NCL: variants seen among roughly 807,000 people sequenced by gnomAD.
NCL encodes nucleolin multifunctional protein.
NCL carries 4 observed loss-of-function variants against 77.7 expected under a neutral mutation model. The observed-to-expected ratio is 0.05, with a 90% confidence interval of 0.03 to 0.12. NCL has a LOEUF of 0.12. Among genes scored for constraint, NCL ranks in the 10% least tolerant of loss-of-function variants. NCL has a pLI of 1.00. For synonymous variants in NCL, 344 were observed against 297.8 expected (o/e 1.16, Z -1.60); for missense variants, 763 against 860.9 (o/e 0.89, Z 1.42).
intron 10 of NCL, 107 bp downstream of exon 10, chr2:231,456,894 T>G: frequency 6.4e-7 from 1 of 1,554,460 alleles, no homozygotes. Context: ...CTCATTTACG[T>G]AGCTAAAATT....
At chr2:231,456,272 G>A in intron 11 of NCL, 136 bp from the exon 12 acceptor site, 1 of 1,114,000 alleles carries the variant, frequency 9.0e-7, no homozygotes, top group Non-Finnish European at 1.3e-6. Context: ...AAGCCAACTA[G>A]TCCTTAATTA....
chr2:231,463,454 G>A, intron 1 of NCL, 138 bp from the exon 2 acceptor site: 1 of 720,612 alleles, frequency 1.4e-6, no homozygotes, highest in South Asian at 1.6e-5. Context: ...AACTAACATA[G>A]AAACTACTCC....
chr2:231,454,846 C>CAAA lies in NCL; in HGVS notation c.*342_*344dup, dbSNP rs201409564. On this transcript the variant is annotated 3_prime_UTR_variant, in exon 14 of 14. Coordinates refer to ENST00000322723, the MANE Select transcript of NCL (RefSeq NM_005381.3). The stretch of plus-strand genomic sequence containing the variant: ...CTTTTCTTTTACAACCCCACGAACG[C>CAAA]AAAAAAAAAAAAAACAAAAACAAAA... 105 of 97,040 alleles carry CAAA rather than the reference C, an allele frequency of 1.1e-3. 1 individual carries two copies. Among genetic ancestry groups the CAAA allele is most frequent in the Non-Finnish European group, 1.7e-3 (74 of 44,576 alleles). 6.0% of individuals were successfully genotyped at this position (97,040 alleles called of 1,614,324 possible).
intron 1 of NCL, chr2:231,464,129 G>C: frequency 7.3e-7 from 1 of 1,370,626 alleles, no homozygotes; most frequent in Non-Finnish European, 9.5e-7. Flanking sequence ...CGCCGCGTTC[G>C]CCGCCCCCAG....
At position 231,459,122 on chromosome 2, in the gene NCL, T is replaced by C. The variant is rs776536240; in HGVS notation, c.1044A>G (p.Lys348=). ...CAGATTCAAAATCCACATAACCAAA[T>C]TTCCTTCAAGGTGGAGAGGAGGGCA... ...VVDVRIGMTR[K]FGYVDFESAE... Residue 348 remains lysine (K), a synonymous_variant, in exon 7 of 14, where the codon AAA becomes AAG. Coordinates refer to ENST00000322723, the MANE Select transcript of NCL (RefSeq NM_005381.3). The C allele has an allele frequency of 6.4e-7, 1 of 1,571,746 alleles. No individual in the cohort carries two copies. Among genetic ancestry groups the C allele is most frequent in the Admixed American group, 2.0e-5 (1 of 48,856 alleles).
In NCL at chr2:231,456,643, T is replaced by A. The variant is rs2046891492; in HGVS notation, c.1693A>T (p.Asn565Tyr). ...LELQGPRGSPNARSQPSKTLF... is the reference protein window; with the variant it reads ...LELQGPRGSPYARSQPSKTLF... Reference sequence around the variant, plus strand: ...CAGGTGAACTTACGGCTTCTGGCATTAGGTGATCCCCTGGGTCCTTGCAAC... The same window carrying A: ...CAGGTGAACTTACGGCTTCTGGCATAAGGTGATCCCCTGGGTCCTTGCAAC... The change falls in exon 11 of 14, where the codon AAT becomes TAT. Residue 565 changes from asparagine to tyrosine, a missense_variant. Asn to Tyr is a moderately radical substitution (Grantham distance 143). Around this residue, in one of 2 missense-constraint regions of NCL, gnomAD observed 173 missense variants for 290.4 expected, o/e 0.60. Coordinates refer to ENST00000322723, the MANE Select transcript of NCL (RefSeq NM_005381.3). 1 of 1,614,004 alleles carries A rather than the reference T, an allele frequency of 6.2e-7. No homozygotes were observed. Among genetic ancestry groups the A allele is most frequent in the African/African-American group, 1.3e-5 (1 of 74,908 alleles).
chr2:231,463,144 T>G, intron 2 of NCL, 56 bp downstream of exon 2: 1 of 1,308,080 alleles, frequency 7.6e-7, no homozygotes, highest in South Asian at 1.3e-5. Flanking sequence ...ATTTCATGTC[T>G]TAACTCTCCA....
Position 231,453,549 on chromosome 2 carries a change from G to A in NCL, c.*1642C>T, listed in dbSNP as rs1427688015. 1 of 158,404 alleles carries A rather than the reference G, an allele frequency of 6.3e-6. No individual in the cohort carries two copies. Among genetic ancestry groups the A allele is most frequent in the African/African-American group, 2.4e-5 (1 of 41,708 alleles). 9.8% of individuals were successfully genotyped at this position (158,404 alleles called of 1,614,324 possible). A position where few individuals can be genotyped will look rare whatever the true frequency, so the allele number is the denominator to read the frequency against. On this transcript the variant is annotated 3_prime_UTR_variant, in exon 14 of 14. Transcript: ENST00000322723. ...CGCCTGATGGGCTTCAATTAACTGA[G>A]CTTTTAATTCCTTATCCAGAATACA...
chr2:231,456,395 G>T, intron 11 of NCL: 1 of 934,844 alleles, frequency 1.1e-6, no homozygotes, highest in Non-Finnish European at 1.7e-6. Flanking sequence ...GGGGCCCAGT[G>T]GATGGGGCAG....
chr2:231,455,513 C>T lies in NCL; in HGVS notation c.1944G>A (p.Lys648=), dbSNP rs751530985. The T allele has an allele frequency of 1.1e-5, 18 of 1,614,108 alleles. No homozygotes were observed. The South Asian group carries it at 2.0e-4, about 18-fold the overall frequency. Residue 648 remains lysine (K), a synonymous_variant, in exon 13 of 14, where the codon AAG becomes AAA. Transcript: ENST00000322723. ...CACGACCCCCGAAGCCACCTTCACC[C>T]TTAGGTTTGGCCCAGTCCAAGGTAA... ...NKVTLDWAKP[K]GEGGFGGRGG... is the part of the protein sequence containing the mutation.
chr2:231,458,242 TA>T, intron 8 of NCL, 23 bp downstream of exon 8: 1 of 1,595,890 alleles, frequency 6.3e-7, no homozygotes, highest in East Asian at 2.2e-5. Context: ...ATAAAACCCT[TA>T]CATTTCAATA....
In NCL at chr2:231,459,357, T is replaced by C. The variant is rs906729307; in HGVS notation, c.1041-232A>G. ...TGAGGTCTTCATCATGGAGCTAAAT[T>C]GCTTATAAGAATTCACAGTAGCAGC... On this transcript the variant is annotated intron_variant, in intron 6 of 13. Coordinates refer to ENST00000322723, the MANE Select transcript of NCL (RefSeq NM_005381.3). Among the ~76,000 whole-genome samples the C allele has an allele frequency of 1.3e-5, 2 of 152,206 alleles. 1 individual carries two copies. Among genetic ancestry groups the C allele is most frequent in the African/African-American group, 4.8e-5 (2 of 41,450 alleles).
rs780611624 is a variant in NCL, at chr2:231,461,633, C to A, written c.520G>T (p.Ala174Ser). The stretch of plus-strand genomic sequence containing the variant: ...GGGGCAGCAGCTGCTGCTTTCATCG[C>A]TGCTGGTTCAATTTCATCTTCATCC... ...DEDEDEIEPAAMKAAAAAPAS... is the reference protein window; with the variant it reads ...DEDEDEIEPASMKAAAAAPAS... The change falls in exon 3 of 14, where the codon GCG becomes TCG. Residue 174 changes from alanine to serine, a missense_variant. Ala to Ser is a moderately conservative substitution (Grantham distance 99). Coordinates refer to ENST00000322723, the MANE Select transcript of NCL (RefSeq NM_005381.3). 1.9e-6 allele frequency: 3 copies of A among 1,609,540 alleles called. No individual in the cohort carries two copies. In the East Asian group the frequency reaches 6.7e-5, roughly 36 times the overall value.
rs2046969136 is a variant in NCL at position 231,463,268 on chromosome 2, C to G, written c.67G>C (p.Glu23Gln). Residue 23 changes from glutamate (E) to glutamine (Q), a missense_variant, in exon 2 of 14, where the codon GAG (glutamate) becomes CAG (glutamine). Transcript: ENST00000322723. ...TCATCTTCACTATCTTCTTCTACCT[C>G]CTTTGGAGGAGGAGCCATTTTCTTG... Reference protein sequence around the residue: ...DPKKMAPPPKEVEEDSEDEEM... With the variant: ...DPKKMAPPPKQVEEDSEDEEM... 2 of 1,613,032 alleles carry G rather than the reference C, an allele frequency of 1.2e-6. No individual in the cohort carries two copies. Among genetic ancestry groups the G allele is most frequent in the African/African-American group, 1.3e-5 (1 of 75,002 alleles).
chr2:231,458,763 G>A (rs926579280), intron 7 of NCL: 3 of 454,232 alleles, frequency 6.6e-6, no homozygotes, highest in African/African-American at 6.1e-5. Context: ...AATAATTCTT[G>A]TTCTGTATAA....
chr2:231,460,574 A>G lies in NCL; in HGVS notation c.812-10T>C, dbSNP rs776346299. The G allele has an allele frequency of 1.2e-6, 2 of 1,614,048 alleles. No homozygotes were observed. Among genetic ancestry groups the G allele is most frequent in the Admixed American group, 3.3e-5 (2 of 60,002 alleles). Reference sequence around the variant, plus strand: ...GCTTCTTTGACAGGCTCTGGACAAGATGTCAAACAATGTATCACACATCAG... The same window carrying G: ...GCTTCTTTGACAGGCTCTGGACAAGGTGTCAAACAATGTATCACACATCAG... On this transcript the variant is annotated splice_polypyrimidine_tract_variant and intron_variant, in intron 4 of 13. Coordinates refer to ENST00000322723, the MANE Select transcript of NCL (RefSeq NM_005381.3).
intron 8 of NCL, 98 bp downstream of exon 8, chr2:231,458,168 A>ATT: frequency 6.7e-7 from 1 of 1,493,196 alleles, no homozygotes; most frequent in Non-Finnish European, 9.0e-7. Context: ...ACTGTCCAAG[A>ATT]TTACACGCCT....
At chr2:231,457,147 C>G in intron 9 of NCL, 23 bp from the exon 10 acceptor site, 2 of 1,613,148 alleles carry the variant, frequency 1.2e-6, no homozygotes, top group East Asian at 4.5e-5. Flanking sequence ...ATGCCACATT[C>G]CTAAGACTCT....
At chr2:231,459,246 GTA>G (rs2125635443) in intron 6 of NCL, 121 bp from the exon 7 acceptor site, 1 of 1,126,504 alleles carries the variant, frequency 8.9e-7, no homozygotes, top group South Asian at 2.2e-5. Context: ...AGCACCCCTA[GTA>G]TTAGCAAAAC....
Sources: gnomAD v4.1 joint callset for allele counts (sites outside exome capture counted in the v4.1 genomes callset) on GRCh38, gnomAD v4.1.1 for gene constraint, gnomAD v4.1.1 regional missense constraint, MANE v1.5 for transcripts, NCBI Gene and HGNC (gene_info 2026-07-23, HGNC 2026-07-21) for gene names.